ST3GAL4: variants seen among roughly 807,000 people sequenced by gnomAD.
ST3GAL4 encodes the protein ST3 beta-galactoside alpha-2,3-sialyltransferase 4, also known as CMP-N-acetylneuraminate-beta-galactosamide-alpha-2,3-sialyltransferase 4.
Under a neutral mutation model 42.6 loss-of-function variants are expected in ST3GAL4, and 24 were observed. The observed-to-expected ratio is 0.56, with a 90% CI of 0.41 to 0.79. ST3GAL4 has a LOEUF of 0.79. Ranked by LOEUF, ST3GAL4 falls within the 30% of genes least tolerant of loss-of-function variation. The pLI is 0.00. For synonymous variants in ST3GAL4, 135 were observed against 163.2 expected (o/e 0.83, Z 1.32); for missense variants, 311 against 430.8 (o/e 0.72, Z 2.46).
chr11:126,388,254 C>T (rs1445923959), intron 1 of ST3GAL4, among the ~76,000 whole-genome samples: 2 of 152,178 alleles, frequency 1.3e-5, no homozygotes, highest in Non-Finnish European at 2.9e-5. Flanking sequence ...TGTAGATGAC[C>T]ATAGTTTCTT....
At chr11:126,404,155 G>A (rs1273585446) in intron 1 of ST3GAL4, among the ~76,000 whole-genome samples, 3 of 152,270 alleles carry the variant, frequency 2.0e-5, no homozygotes, top group Admixed American at 1.3e-4. Flanking sequence ...TAGATGAATC[G>A]CCAGGGTATC....
At chr11:126,389,684 T>A (rs965259398) in intron 1 of ST3GAL4, among the ~76,000 whole-genome samples, 46 of 152,262 alleles carry the variant, frequency 3.0e-4, no homozygotes, top group African/African-American at 1.0e-3. Context: ...CCCACCTTAG[T>A]TAGCCTCCTG....
chr11:126,387,343 A>G (rs567967015), intron 1 of ST3GAL4, among the ~76,000 whole-genome samples: 71 of 152,248 alleles, frequency 4.7e-4, no homozygotes, highest in African/African-American at 1.7e-3. Flanking sequence ...CTTTTTTTAA[A>G]TCAAATTTTA....
Position 126,391,936 on chromosome 11 carries a change from C to CGT in ST3GAL4, c.-60-14125_-60-14124dup, listed in dbSNP as rs111958228. Among the ~76,000 whole-genome samples the CGT allele has an allele frequency of 0.1, 14,480 of 144,338 alleles. 711 individuals carry two copies. Among genetic ancestry groups the CGT allele is most frequent in the African/African-American group, 0.11 (4,139 of 38,148 alleles). The allele number at this position is 144,338 out of a possible 152,430, so 94.7% of individuals were successfully genotyped here. A position where few individuals can be genotyped will look rare whatever the true frequency, so the allele number is the denominator to read the frequency against. ...CTCAGAACACCTGTGATAACTTGGTCGTGTGTGTGTGTGTGTGTGTGTGTG... is the reference window on the plus strand; with the variant it reads ...CTCAGAACACCTGTGATAACTTGGTCGTGTGTGTGTGTGTGTGTGTGTGTGTG... On this transcript the variant is annotated intron_variant, in intron 1 of 10. Coordinates refer to ENST00000444328, the MANE Select transcript of ST3GAL4 (RefSeq NM_001254757.2). The surrounding 1 kb of genome is among the most constrained non-coding windows in gnomAD (Gnocchi z 5.5).
chr11:126,371,717 A>G lies in ST3GAL4; in HGVS notation c.-61+15875A>G, dbSNP rs147331186. 4.8e-3 allele frequency among the ~76,000 whole-genome samples: 732 copies of G among 152,260 alleles called. 7 individuals carry two copies. The highest frequency in any genetic ancestry group is 0.016 in the African/African-American group (667 of 41,542). ...AGTTAAGTTGTTTCCATTTTTTGCTATTGTAACACTGCTAATAAACATGCT... is the reference window on the plus strand; with the variant it reads ...AGTTAAGTTGTTTCCATTTTTTGCTGTTGTAACACTGCTAATAAACATGCT... On this transcript the variant is annotated intron_variant, in intron 1 of 10. Coordinates refer to ENST00000444328, the MANE Select transcript of ST3GAL4 (RefSeq NM_001254757.2).
In ST3GAL4 at chr11:126,409,033, CTA is replaced by C. The variant is rs1490946208; in HGVS notation, c.628-232_628-231del. 6.6e-6 allele frequency among the ~76,000 whole-genome samples: 1 copy of C among 152,218 alleles called. No homozygotes were observed. Among genetic ancestry groups the C allele is most frequent in the Non-Finnish European group, 1.5e-5 (1 of 68,044 alleles). The stretch of plus-strand genomic sequence containing the variant: ...TGGTCCATGGTTTAGACCCTCCACT[CTA>C]TACACCTGGTCACCTGGCCTCCCGA... On this transcript the variant is annotated intron_variant, in intron 8 of 10. Transcript: ENST00000444328. This position sits in a 1 kb window ranked among gnomAD's most constrained non-coding sequence, Gnocchi z 4.9.
At position 126,409,204 on chromosome 11, in the gene ST3GAL4, G is replaced by C. The variant is rs1954407902; in HGVS notation, c.628-64G>C. 9 of 1,596,652 alleles carry C rather than the reference G, an allele frequency of 5.6e-6. No individual in the cohort carries two copies. In the South Asian group the frequency reaches 1.0e-4, roughly 18 times the overall value. On this transcript the variant is annotated intron_variant, in intron 8 of 10. Transcript: ENST00000444328. The surrounding 1 kb of genome is among the most constrained non-coding windows in gnomAD (Gnocchi z 4.9). The stretch of plus-strand genomic sequence containing the variant: ...CCCCTCGCCTCGCTGAGGACCACTG[G>C]GTTGGATTTGAGAAACAGGGCTTCA...
chr11:126,369,742 T>TTTGTA (rs1952571632), intron 1 of ST3GAL4, among the ~76,000 whole-genome samples: 1 of 152,186 alleles, frequency 6.6e-6, no homozygotes, highest in African/African-American at 2.4e-5. Flanking sequence ...ATCACACTCA[T>TTTGTA]CAGTTTGAAA....
At position 126,379,972 on chromosome 11, in the gene ST3GAL4, C is replaced by T. The variant is rs1429692329; in HGVS notation, c.-61+24130C>T. 6.6e-6 allele frequency among the ~76,000 whole-genome samples: 1 copy of T among 152,062 alleles called. No individual in the cohort carries two copies. Among genetic ancestry groups the T allele is most frequent in the Non-Finnish European group, 1.5e-5 (1 of 68,014 alleles). ...TTCTCTGCTGTCTTTTACAAAAGAG[C>T]TAGTCTCGGCCGGGCACAGTGACTT... On this transcript the variant is annotated intron_variant, in intron 1 of 10. Transcript: ENST00000444328. The surrounding 1 kb of genome is among the most constrained non-coding windows in gnomAD (Gnocchi z 4.2).
rs57117629 is a variant in ST3GAL4, at chr11:126,386,031, G to T, written c.-60-20065G>T. ...TCTGCCACCATATGGAACTTTCTGT[G>T]CCTTGCACCCAGCCAGCTCAGAGTC... On this transcript the variant is annotated intron_variant, in intron 1 of 10. Transcript: ENST00000444328. The surrounding 1 kb of genome is among the most constrained non-coding windows in gnomAD (Gnocchi z 4.7). Among the ~76,000 whole-genome samples the T allele has an allele frequency of 3.3e-5, 5 of 152,244 alleles. No individual in the cohort carries two copies. In the East Asian group the frequency reaches 9.7e-4, roughly 29 times the overall value.
At chr11:126,375,335 C>T (rs956311805) in intron 1 of ST3GAL4, among the ~76,000 whole-genome samples, 1 of 152,176 alleles carries the variant, frequency 6.6e-6, no homozygotes, top group South Asian at 2.1e-4. Context: ...ACAGGCTCTT[C>T]GTCACTGTGC....
At chr11:126,412,467 T>G (rs897462148) in intron 9 of ST3GAL4, among the ~76,000 whole-genome samples, 1 of 152,322 alleles carries the variant, frequency 6.6e-6, no homozygotes, top group East Asian at 1.9e-4. Flanking sequence ...AGGCTGCCCG[T>G]CACTGTGGAT....
Position 126,413,986 on chromosome 11 carries a change from A to T in ST3GAL4, c.941A>T (p.Glu314Val), listed in dbSNP as rs773885761. 6.2e-7 allele frequency: 1 copy of T among 1,614,244 alleles called. No individual in the cohort carries two copies. The highest frequency in any genetic ancestry group is 1.7e-5 in the Admixed American group (1 of 60,034). Reference protein sequence around the residue: ...MAGSGHNVSQEALAIKRMLEM... With the variant: ...MAGSGHNVSQVALAIKRMLEM... ...GGGTCAGGCCATAATGTCTCCCAAG[A>T]GGCCCTGGCCATTAAGCGGATGCTG... is the stretch of plus-strand genomic sequence containing the variant. Residue 314 changes from glutamate (E) to valine (V), a missense_variant, in exon 11 of 11, where the codon GAG becomes GTG. Coordinates refer to ENST00000444328, the MANE Select transcript of ST3GAL4 (RefSeq NM_001254757.2).
At chr11:126,370,923 C>T (rs1375095696) in intron 1 of ST3GAL4, among the ~76,000 whole-genome samples, 1 of 152,080 alleles carries the variant, frequency 6.6e-6, no homozygotes, top group East Asian at 1.9e-4. Flanking sequence ...CTGCCTTGGC[C>T]TCCCAAAGTG....
In ST3GAL4 at chr11:126,414,161, G is replaced by A; in HGVS notation, c.*114G>A. 9 of 1,017,568 alleles carry A rather than the reference G, an allele frequency of 8.8e-6. No homozygotes were observed. Among genetic ancestry groups the A allele is most frequent in the Non-Finnish European group, 1.4e-5 (9 of 650,540 alleles). The allele number at this position is 1,017,568 out of a possible 1,614,324, so 63.0% of individuals were successfully genotyped here. A position where few individuals can be genotyped will look rare whatever the true frequency, so the allele number is the denominator to read the frequency against. On this transcript the variant is annotated 3_prime_UTR_variant, in exon 11 of 11. Coordinates refer to ENST00000444328, the MANE Select transcript of ST3GAL4 (RefSeq NM_001254757.2). ...GACCCACTTGGACTCACCCCCTCTTGGGGAGGGAGTTCTGGGCCTGGCCAG... is the reference window on the plus strand; with the variant it reads ...GACCCACTTGGACTCACCCCCTCTTAGGGAGGGAGTTCTGGGCCTGGCCAG...
At chr11:126,403,536 C>T in intron 1 of ST3GAL4, 1 of 755,552 alleles carries the variant, frequency 1.3e-6, no homozygotes, top group Non-Finnish European at 1.6e-6. Context: ...TGGGCCCCAC[C>T]CCTAACCAAT....
chr11:126,409,182 C>A lies in ST3GAL4; in HGVS notation c.628-86C>A. 1.3e-6 allele frequency: 2 copies of A among 1,555,950 alleles called. No homozygotes were observed. Among genetic ancestry groups the A allele is most frequent in the Non-Finnish European group, 1.8e-6 (2 of 1,141,024 alleles). On this transcript the variant is annotated intron_variant, in intron 8 of 10. Coordinates refer to ENST00000444328, the MANE Select transcript of ST3GAL4 (RefSeq NM_001254757.2). This position sits in a 1 kb window ranked among gnomAD's most constrained non-coding sequence, Gnocchi z 4.9. ...AGGCCTCTGCCATCGCTTGGACCCC[C>A]TCGCCTCGCTGAGGACCACTGGGTT...
At chr11:126,408,249 G>C in intron 7 of ST3GAL4, 55 bp downstream of exon 7, 7 of 1,612,766 alleles carry the variant, frequency 4.3e-6, no homozygotes, top group Non-Finnish European at 5.1e-6. Flanking sequence ...TCCGAGCCAG[G>C]GACTGTAGAC....
Position 126,408,339 on chromosome 11 carries a change from G to T in ST3GAL4, c.470G>T (p.Gly157Val). 6.2e-7 allele frequency: 1 copy of T among 1,614,172 alleles called. No individual in the cohort carries two copies. Among genetic ancestry groups the T allele is most frequent in the Non-Finnish European group, 8.5e-7 (1 of 1,180,026 alleles). Residue 157 changes from glycine to valine, a missense_variant, in exon 8 of 11, where the codon GGT becomes GTT. By Grantham distance (109) the Gly-to-Val change is moderately radical. Coordinates refer to ENST00000444328, the MANE Select transcript of ST3GAL4 (RefSeq NM_001254757.2). ...AATGCCCCAGTGGCTGGCTATGAGG[G>T]TGACGTGGGCTCCAAGACCACCATG... ...LNNAPVAGYE[G>V]DVGSKTTMRL...
Sources: gnomAD v4.1 joint callset for allele counts (sites outside exome capture counted in the v4.1 genomes callset) on GRCh38, gnomAD v4.1.1 for gene constraint, Gnocchi (gnomAD v3.1) non-coding constraint, MANE v1.5 for transcripts, NCBI Gene and HGNC (gene_info 2026-07-23, HGNC 2026-07-21) for gene names.